DPYD: variants seen among roughly 807,000 people sequenced by gnomAD.
The protein encoded by DPYD is dihydropyrimidine dehydrogenase.
A neutral mutation model predicts 116.2 loss-of-function variants in DPYD; 109 were observed. The observed-to-expected ratio is 0.94, with a 90% CI of 0.80 to 1.10. The LOEUF (loss-of-function observed/expected upper bound fraction) is 1.10, where lower values mean the gene tolerates loss of function less well. DPYD is among the 50% of genes least tolerant of loss of function. The probability of loss-of-function intolerance (pLI) is 0.00; values close to 1 mark genes in which losing one functional copy is unlikely to be tolerated. For missense variants in DPYD, 1,302 were observed against 1,254.5 expected (o/e 1.04, Z -0.57); for synonymous variants, 440 against 432.0 (o/e 1.02, Z -0.23).
chr1:97,373,441 T>G, intron 16 of DPYD, 120 bp downstream of exon 16: 1 of 806,184 alleles, frequency 1.2e-6, no homozygotes, highest in Non-Finnish European at 2.0e-6. Context: ...AATGCAGACC[T>G]GGAAGTCTCT....
Position 97,253,244 on chromosome 1 carries a change from T to G in DPYD, c.2300-18250A>C, listed in dbSNP as rs138646912. Among the ~76,000 whole-genome samples the G allele has an allele frequency of 6.1e-3, 934 of 152,242 alleles. 34 individuals are homozygous for G. Among genetic ancestry groups the G allele is most frequent in the Admixed American group, 0.056 (852 of 15,268 alleles). ...TAATCCTACAAGGCGTGTTCAGAAG[T>G]GAAATAATTTAGAATTTGAAATCAA... On this transcript the variant is annotated intron_variant, in intron 18 of 22. Transcript: ENST00000370192.
Position 97,637,745 on chromosome 1 carries a change from C to T in DPYD, c.850+41350G>A, listed in dbSNP as rs149193995. On this transcript the variant is annotated intron_variant, in intron 8 of 22. Transcript: ENST00000370192. ...TTTAAGAACAGTGATGCCTACTCTG[C>T]TTTCTAATTAATATTTTTATTACTT... is the stretch of plus-strand genomic sequence containing the variant. Among the ~76,000 whole-genome samples the T allele has an allele frequency of 5.9e-5, 9 of 152,228 alleles. No individual in the cohort carries two copies. The East Asian group carries it at 1.7e-3, about 29-fold the overall frequency.
At chr1:97,204,673 G>A (rs1659469463) in intron 19 of DPYD, among the ~76,000 whole-genome samples, 1 of 152,124 alleles carries the variant, frequency 6.6e-6, no homozygotes, top group African/African-American at 2.4e-5. Context: ...ACTAGGATCT[G>A]TGATTCCCTT....
At chr1:97,079,882 C>A (rs79079321) in intron 22 of DPYD, among the ~76,000 whole-genome samples, 263 of 152,090 alleles carry the variant, frequency 1.7e-3, no homozygotes, top group African/African-American at 6.0e-3. Context: ...TCCCTCCCTT[C>A]CTCCCTCCCT....
intron 18 of DPYD, among the ~76,000 whole-genome samples, chr1:97,276,077 T>C (rs1465896761): frequency 6.6e-6 from 1 of 152,172 alleles, no homozygotes; most frequent in African/African-American, 2.4e-5. Context: ...TTCTTTCTTC[T>C]CCTTGAACTT....
chr1:97,686,432 C>T (rs1398325272), intron 7 of DPYD, among the ~76,000 whole-genome samples: 9 of 151,224 alleles, frequency 6.0e-5, no homozygotes, highest in Admixed American at 5.9e-4. Context: ...GTCAGGAGAT[C>T]GAGACCATCC....
intron 11 of DPYD, among the ~76,000 whole-genome samples, chr1:97,567,522 G>A (rs1652605370): frequency 6.6e-6 from 1 of 152,018 alleles, no homozygotes; most frequent in Admixed American, 6.6e-5. Context: ...CTAACAGAAG[G>A]GTCGTATCTT....
At chr1:97,224,963 G>A (rs2101899186) in intron 19 of DPYD, among the ~76,000 whole-genome samples, 1 of 151,916 alleles carries the variant, frequency 6.6e-6, no homozygotes, top group South Asian at 2.1e-4. Flanking sequence ...ATACTGCACA[G>A]AATATGGGAG....
At chr1:97,579,601 G>A (rs1372911712) in intron 10 of DPYD, among the ~76,000 whole-genome samples, 2 of 152,222 alleles carry the variant, frequency 1.3e-5, no homozygotes, top group African/African-American at 4.8e-5. Context: ...ATTCACACAT[G>A]TCAGTGTTAG....
Position 97,415,798 on chromosome 1 carries a change from C to T in DPYD, c.1906-33337G>A, listed in dbSNP as rs528690862. On this transcript the variant is annotated intron_variant, in intron 14 of 22. Coordinates refer to ENST00000370192, the MANE Select transcript of DPYD (RefSeq NM_000110.4). ...TGGTACACTAACAGGTATGTTTACT[C>T]CTATAGCATGTGCAGCTTGTACAGG... Among the ~76,000 whole-genome samples, 11 of 152,222 alleles carry T rather than the reference C, an allele frequency of 7.2e-5. No individual in the cohort carries two copies. The East Asian group carries it at 1.7e-3, about 24-fold the overall frequency.
Position 97,616,171 on chromosome 1 carries a change from G to A in DPYD, c.851-21005C>T, listed in dbSNP as rs72732381. 4.6e-3 allele frequency among the ~76,000 whole-genome samples: 698 copies of A among 151,540 alleles called. 9 individuals are homozygous for A. The highest frequency in any genetic ancestry group is 0.016 in the African/African-American group (653 of 41,260). On this transcript the variant is annotated intron_variant, in intron 8 of 22. Coordinates refer to ENST00000370192, the MANE Select transcript of DPYD (RefSeq NM_000110.4). ...TTTTTTTTGTCTGGGAACTCTTTAC[G>A]GAGTTTCTGCTTTGTTCTTCTCGGC...
intron 16 of DPYD, among the ~76,000 whole-genome samples, chr1:97,348,809 A>C (rs746763121): frequency 2.0e-5 from 3 of 151,936 alleles, no homozygotes; most frequent in Non-Finnish European, 2.9e-5. Flanking sequence ...CAGTTGGCGG[A>C]CAGAAGGGAG....
chr1:97,585,266 A>C (rs1654013789), intron 10 of DPYD, among the ~76,000 whole-genome samples: 3 of 152,208 alleles, frequency 2.0e-5, no homozygotes. Context: ...TATGTGATAA[A>C]TTCTATTAAC....
chr1:97,553,682 C>T (rs1045256892), intron 11 of DPYD, among the ~76,000 whole-genome samples: 9 of 151,768 alleles, frequency 5.9e-5, no homozygotes, highest in East Asian at 1.9e-4. Context: ...GTTTATAAAA[C>T]GGGGGGGATT....
chr1:97,231,805 T>C (rs1661605273), intron 19 of DPYD, among the ~76,000 whole-genome samples: 1 of 152,208 alleles, frequency 6.6e-6, no homozygotes, highest in South Asian at 2.1e-4. Context: ...CAGCACATGG[T>C]AGACAGTCAA....
At chr1:97,817,854 A>G (rs1001063107) in intron 3 of DPYD, among the ~76,000 whole-genome samples, 2 of 152,068 alleles carry the variant, frequency 1.3e-5, no homozygotes, top group South Asian at 2.1e-4. Flanking sequence ...TCAATTATGG[A>G]TACTTAAAAT....
At chr1:97,209,132 T>G (rs1382802690) in intron 19 of DPYD, among the ~76,000 whole-genome samples, 1 of 152,148 alleles carries the variant, frequency 6.6e-6, no homozygotes, top group Non-Finnish European at 1.5e-5. Context: ...ATTGTTATGC[T>G]TTGAGAGTAT....
At chr1:97,730,882 TG>T (rs1161934507) in intron 4 of DPYD, among the ~76,000 whole-genome samples, 3 of 151,510 alleles carry the variant, frequency 2.0e-5, no homozygotes, top group Non-Finnish European at 4.4e-5. Flanking sequence ...TCATTAGAGT[TG>T]AAAAAAAAAG....
intron 14 of DPYD, among the ~76,000 whole-genome samples, chr1:97,440,974 C>A (rs1185436355): frequency 6.6e-6 from 1 of 152,118 alleles, no homozygotes; most frequent in East Asian, 1.9e-4. Context: ...TAATATTCGT[C>A]CTTTTCTTTC....
Sources: allele counts gnomAD v4.1 joint callset (sites outside exome capture counted in the v4.1 genomes callset), GRCh38; gene constraint gnomAD v4.1.1; transcripts MANE v1.5; gene names NCBI Gene and HGNC (gene_info 2026-07-23, HGNC 2026-07-21).